The following CAMKMT variants were observed in gnomAD, a reference collection of about 807,000 sequenced individuals.
CAMKMT encodes CaM KMT.
A neutral mutation model predicts 48.0 loss-of-function variants in CAMKMT; 53 were observed. The ratio of observed to expected loss-of-function variants is 1.10; its 90% CI spans 0.89 to 1.39. CAMKMT has a LOEUF of 1.39. CAMKMT is among the 40% of genes most tolerant of loss of function. The pLI is 0.00. For synonymous variants in CAMKMT, 165 were observed against 152.3 expected (o/e 1.08, Z -0.61); for missense variants, 428 against 402.7 (o/e 1.06, Z -0.54).
intron 3 of CAMKMT, among the ~76,000 whole-genome samples, chr2:44,628,392 T>G (rs181146091): frequency 4.8e-4 from 73 of 152,268 alleles, no homozygotes; most frequent in Middle Eastern, 6.8e-3. Flanking sequence ...TATCTTTTCT[T>G]TCTCCTTTTA....
At chr2:44,555,768 G>C (rs1032726490) in intron 3 of CAMKMT, among the ~76,000 whole-genome samples, 1 of 152,210 alleles carries the variant, frequency 6.6e-6, no homozygotes, top group Non-Finnish European at 1.5e-5. Flanking sequence ...GGAAAACCAG[G>C]AGTTGTCATA....
intron 3 of CAMKMT, among the ~76,000 whole-genome samples, chr2:44,597,052 C>G (rs1670709367): frequency 6.6e-6 from 1 of 152,082 alleles, no homozygotes; most frequent in East Asian, 1.9e-4. Context: ...GATAAAGTCA[C>G]CCTAGAAGTT....
chr2:44,733,375 C>T (rs1294473035), intron 7 of CAMKMT, among the ~76,000 whole-genome samples: 8 of 152,100 alleles, frequency 5.3e-5, no homozygotes, highest in Non-Finnish European at 1.5e-5. Flanking sequence ...GATTCTTGTA[C>T]ATTGATCTTG....
At chr2:44,384,918 C>T (rs1425218266) in intron 2 of CAMKMT, among the ~76,000 whole-genome samples, 2 of 152,088 alleles carry the variant, frequency 1.3e-5, no homozygotes, top group East Asian at 3.9e-4. Context: ...TAGTGTGATG[C>T]CTCCAGATTT....
intron 3 of CAMKMT, among the ~76,000 whole-genome samples, chr2:44,481,765 A>G (rs1178704340): frequency 1.3e-5 from 2 of 152,098 alleles, no homozygotes; most frequent in Non-Finnish European, 2.9e-5. Context: ...ATCAGATACT[A>G]TCAAAGCTTG....
At chr2:44,493,721 A>AT (rs1340516591) in intron 3 of CAMKMT, among the ~76,000 whole-genome samples, 4 of 152,272 alleles carry the variant, frequency 2.6e-5, no homozygotes, top group African/African-American at 9.6e-5. Flanking sequence ...TGGAAAAAAT[A>AT]TTTGTACTTG....
intron 3 of CAMKMT, among the ~76,000 whole-genome samples, chr2:44,449,935 A>G (rs951476423): frequency 4.6e-5 from 7 of 152,138 alleles, no homozygotes; most frequent in Non-Finnish European, 8.8e-5. Context: ...GTGTTTATCA[A>G]ATAAGTTAAA....
intron 1 of CAMKMT, among the ~76,000 whole-genome samples, chr2:44,362,599 A>G (rs575332320): frequency 4.6e-5 from 7 of 152,142 alleles, no homozygotes; most frequent in Non-Finnish European, 1.0e-4. Flanking sequence ...GTGGTTGACT[A>G]TGCCGGGACT....
intron 3 of CAMKMT, among the ~76,000 whole-genome samples, chr2:44,492,348 T>C (rs747499021): frequency 1.3e-5 from 2 of 152,182 alleles, no homozygotes; most frequent in African/African-American, 2.4e-5. Context: ...AATTATATAT[T>C]TTTATTTTCA....
intron 3 of CAMKMT, among the ~76,000 whole-genome samples, chr2:44,541,311 G>C (rs186417333): frequency 1.3e-5 from 2 of 152,254 alleles, no homozygotes; most frequent in African/African-American, 4.8e-5. Flanking sequence ...TTATGCTGTT[G>C]AGTCATTCTG....
chr2:44,372,322 A>G (rs2104357382), intron 1 of CAMKMT, among the ~76,000 whole-genome samples: 1 of 152,208 alleles, frequency 6.6e-6, no homozygotes, highest in African/African-American at 2.4e-5. Context: ...CATCTCTACA[A>G]AAAATTTAAA....
At chr2:44,436,225 G>A (rs370109142) in intron 3 of CAMKMT, among the ~76,000 whole-genome samples, 11 of 152,150 alleles carry the variant, frequency 7.2e-5, no homozygotes, top group Non-Finnish European at 1.2e-4. Flanking sequence ...ACGGATGTGC[G>A]CCACCATGCC....
chr2:44,573,271 T>A (rs1669024558), intron 3 of CAMKMT, among the ~76,000 whole-genome samples: 1 of 152,198 alleles, frequency 6.6e-6, no homozygotes, highest in Admixed American at 6.5e-5. Context: ...TGTCCAGTTT[T>A]CAATCAGGTT....
At chr2:44,363,349 C>A (rs1678179645) in intron 1 of CAMKMT, among the ~76,000 whole-genome samples, 1 of 151,990 alleles carries the variant, frequency 6.6e-6, no homozygotes, top group Admixed American at 6.6e-5. Flanking sequence ...CTGGCGTGAG[C>A]TGGGGAGAGT....
At chr2:44,505,151 C>G (rs558756523) in intron 3 of CAMKMT, among the ~76,000 whole-genome samples, 7 of 152,178 alleles carry the variant, frequency 4.6e-5, no homozygotes, top group Non-Finnish European at 7.3e-5. Context: ...TTAGGCCCCA[C>G]CTCCAACACT....
At chr2:44,445,303 G>A (rs1306586671) in intron 3 of CAMKMT, among the ~76,000 whole-genome samples, 1 of 152,104 alleles carries the variant, frequency 6.6e-6, no homozygotes, top group Non-Finnish European at 1.5e-5. Context: ...AAGAGGGAAA[G>A]AGGACTCACT....
At chr2:44,523,635 C>T (rs921305209) in intron 3 of CAMKMT, among the ~76,000 whole-genome samples, 8 of 152,074 alleles carry the variant, frequency 5.3e-5, no homozygotes, top group African/African-American at 1.9e-4. Context: ...GCTCACATGT[C>T]TGGTAACTGA....
At chr2:44,751,953 C>T (rs752537592) in intron 8 of CAMKMT, among the ~76,000 whole-genome samples, 8 of 152,076 alleles carry the variant, frequency 5.3e-5, no homozygotes, top group South Asian at 2.1e-4. Context: ...CCAGATCTCA[C>T]GTGAGCTCAT....
intron 10 of CAMKMT, among the ~76,000 whole-genome samples, chr2:44,771,035 G>A (rs1489917610): frequency 6.6e-6 from 1 of 152,158 alleles, no homozygotes; most frequent in East Asian, 1.9e-4. Context: ...TCCATGTCAT[G>A]GTTTGGGAAT....
Sources: allele counts gnomAD v4.1 joint callset (sites outside exome capture counted in the v4.1 genomes callset), GRCh38; gene constraint gnomAD v4.1.1; transcripts MANE v1.5; gene names NCBI Gene and HGNC (gene_info 2026-07-23, HGNC 2026-07-21).